The following PTPRN2 variants were observed in gnomAD, a reference collection of about 807,000 sequenced individuals.
PTPRN2 encodes receptor-type tyrosine-protein phosphatase N2.
A neutral mutation model predicts 118.8 loss-of-function variants in PTPRN2; 74 were observed. The observed-to-expected ratio is 0.62, with a 90% CI of 0.52 to 0.76. PTPRN2 has a LOEUF of 0.76. Ranked by LOEUF, PTPRN2 falls within the 30% of genes least tolerant of loss-of-function variation. The pLI is 0.00. For synonymous variants in PTPRN2, 641 were observed against 608.0 expected, an observed-to-expected ratio of 1.05 and a Z score of -0.80; for missense variants, 1,481 against 1,394.4, an observed-to-expected ratio of 1.06 and a Z score of -0.99.
intron 6 of PTPRN2, among the ~76,000 whole-genome samples, chr7:158,150,719 T>G (rs565639478): frequency 6.6e-6 from 1 of 152,126 alleles, no homozygotes; most frequent in South Asian, 2.1e-4. Context: ...TGGGTGATCA[T>G]GGTGATCTGC....
intron 3 of PTPRN2, among the ~76,000 whole-genome samples, chr7:158,264,374 G>A (rs576762939): frequency 2.0e-5 from 3 of 152,266 alleles, no homozygotes; most frequent in Admixed American, 2.0e-4. Context: ...GCTTCCCAGG[G>A]CAGTTTGCTG....
At chr7:157,950,270 G>A (rs931684591) in intron 11 of PTPRN2, among the ~76,000 whole-genome samples, 2 of 152,146 alleles carry the variant, frequency 1.3e-5, no homozygotes, top group African/African-American at 4.8e-5. Context: ...CCTAGCAAAC[G>A]CCTGGTGGGA....
intron 1 of PTPRN2, among the ~76,000 whole-genome samples, chr7:158,581,904 G>T (rs1305662215): frequency 9.9e-5 from 15 of 152,202 alleles, no homozygotes; most frequent in African/African-American, 3.1e-4. Context: ...TACCAGCCTC[G>T]TGATGTAGAG....
intron 10 of PTPRN2, among the ~76,000 whole-genome samples, chr7:158,094,302 T>C (rs1814445345): frequency 6.7e-6 from 1 of 149,126 alleles, no homozygotes; most frequent in Admixed American, 6.6e-5. Flanking sequence ...TCTGTGTTTT[T>C]TCTGTTTTGT....
At chr7:158,532,393 A>T (rs1825314069) in intron 1 of PTPRN2, among the ~76,000 whole-genome samples, 1 of 152,190 alleles carries the variant, frequency 6.6e-6, no homozygotes, top group Non-Finnish European at 1.5e-5. Context: ...GAGAAGCCCC[A>T]GATGTCAAAC....
chr7:158,382,578 G>T (rs1811045705), intron 2 of PTPRN2, among the ~76,000 whole-genome samples: 1 of 152,202 alleles, frequency 6.6e-6, no homozygotes, highest in Non-Finnish European at 1.5e-5. Flanking sequence ...ACAGCAGGAG[G>T]TGAGCAGCAG....
rs1317549814 is a variant in PTPRN2, at chr7:158,507,407, CACAA to C, written c.113-17626_113-17623del. Among the ~76,000 whole-genome samples the C allele has an allele frequency of 9.3e-5, 14 of 151,312 alleles. No individual in the cohort carries two copies. The East Asian group carries it at 2.4e-3, about 26-fold the overall frequency. ...CAGCCCCGCACTAGGCAGGAAATTG[CACAA>C]ACAGAGGTCAGTGAGGACCATCCAG... On this transcript the variant is annotated intron_variant, in intron 1 of 22. Coordinates refer to ENST00000389418, the MANE Select transcript of PTPRN2 (RefSeq NM_002847.5).
chr7:158,072,781 G>C (rs1585347667), intron 11 of PTPRN2, among the ~76,000 whole-genome samples: 1 of 152,178 alleles, frequency 6.6e-6, no homozygotes, highest in Non-Finnish European at 1.5e-5. Flanking sequence ...AGCCCTGTAG[G>C]GTCCCCAAAG....
intron 1 of PTPRN2, among the ~76,000 whole-genome samples, chr7:158,548,769 C>T (rs1826452394): frequency 6.6e-6 from 1 of 152,220 alleles, no homozygotes; most frequent in African/African-American, 2.4e-5. Flanking sequence ...CCAGCGTGAA[C>T]CCAGGCGGCC....
intron 2 of PTPRN2, among the ~76,000 whole-genome samples, chr7:158,467,830 A>T (rs1272996233): frequency 6.6e-6 from 1 of 152,144 alleles, no homozygotes; most frequent in Non-Finnish European, 1.5e-5. Context: ...AACTTGGGTA[A>T]TTCTGCTGCC....
rs564531350 is a variant in PTPRN2, at chr7:157,610,255, G to A, written c.2345-6180C>T. ...TGGCAATGGGGTTCCCTCCTCCCAG[G>A]GGCCTCACGGAACTCGGCAATGGGG... is the stretch of plus-strand genomic sequence containing the variant. On this transcript the variant is annotated intron_variant, in intron 15 of 22. Coordinates refer to ENST00000389418, the MANE Select transcript of PTPRN2 (RefSeq NM_002847.5). This position sits in a 1 kb window ranked among gnomAD's most constrained non-coding sequence, Gnocchi z 5.1. 6.6e-6 allele frequency among the ~76,000 whole-genome samples: 1 copy of A among 152,258 alleles called. No homozygotes were observed. Among genetic ancestry groups the A allele is most frequent in the South Asian group, 2.1e-4 (1 of 4,822 alleles).
chr7:158,243,007 T>C (rs1448532130), intron 3 of PTPRN2, among the ~76,000 whole-genome samples: 1 of 152,250 alleles, frequency 6.6e-6, no homozygotes, highest in Non-Finnish European at 1.5e-5. Context: ...TTCTAGGCTA[T>C]TTGACTTGTT....
chr7:158,316,803 C>A lies in PTPRN2; in HGVS notation c.277+16G>T. ...CAGTGCGGCAGCCGCCGAGCCTCGG[C>A]CCACGCCCGCCCTACCTGTGCCGGA... On this transcript the variant is annotated intron_variant, in intron 3 of 22. Coordinates refer to ENST00000389418, the MANE Select transcript of PTPRN2 (RefSeq NM_002847.5). The A allele has an allele frequency of 6.3e-7, 1 of 1,578,346 alleles. No individual in the cohort carries two copies.
Position 158,534,375 on chromosome 7 carries a change from T to C in PTPRN2, c.113-44590A>G, listed in dbSNP as rs375747506. On this transcript the variant is annotated intron_variant, in intron 1 of 22. Coordinates refer to ENST00000389418, the MANE Select transcript of PTPRN2 (RefSeq NM_002847.5). ...GTGGCCACCCACGCCCTGGGCTCCG[T>C]CAGGGATGGCTGTGGGTGCAGGTTG... Among the ~76,000 whole-genome samples, 5 of 150,408 alleles carry C rather than the reference T, an allele frequency of 3.3e-5. No individual in the cohort carries two copies. The East Asian group carries it at 5.9e-4, about 18-fold the overall frequency.
intron 3 of PTPRN2, among the ~76,000 whole-genome samples, chr7:158,223,206 T>C (rs1277421546): frequency 1.3e-5 from 2 of 152,060 alleles, no homozygotes; most frequent in Non-Finnish European, 1.5e-5. Flanking sequence ...AAAGAAATAA[T>C]CAGGCCCAGA....
chr7:157,909,914 A>G (rs994003374), intron 11 of PTPRN2, among the ~76,000 whole-genome samples: 1 of 152,266 alleles, frequency 6.6e-6, no homozygotes, highest in African/African-American at 2.4e-5. Flanking sequence ...TATAGGAAGC[A>G]TGAGCAAATT....
rs1801780193 is a variant in PTPRN2, at chr7:157,603,123, G to A, written c.2418+879C>T. Reference sequence around the variant, plus strand: ...CATCCGCCAGGTCTCCAAAGCCCCGGCCCTGGACAGTGTCCCATCCCGCCC... The same window carrying A: ...CATCCGCCAGGTCTCCAAAGCCCCGACCCTGGACAGTGTCCCATCCCGCCC... On this transcript the variant is annotated intron_variant, in intron 16 of 22. Transcript: ENST00000389418. This position sits in a 1 kb window ranked among gnomAD's most constrained non-coding sequence, Gnocchi z 5.4. Among the ~76,000 whole-genome samples the A allele has an allele frequency of 6.6e-6, 1 of 152,054 alleles. No individual in the cohort carries two copies. Among genetic ancestry groups the A allele is most frequent in the African/African-American group, 2.4e-5 (1 of 41,422 alleles).
At chr7:157,882,172 G>A (rs1796170861) in intron 12 of PTPRN2, among the ~76,000 whole-genome samples, 1 of 149,732 alleles carries the variant, frequency 6.7e-6, no homozygotes, top group African/African-American at 2.5e-5. Flanking sequence ...AAAAATGACT[G>A]TCAAAGGCTA....
At chr7:157,756,350 A>G (rs1801779214) in intron 12 of PTPRN2, among the ~76,000 whole-genome samples, 2 of 151,448 alleles carry the variant, frequency 1.3e-5, no homozygotes, top group South Asian at 4.2e-4. Flanking sequence ...GCTGGAGTGC[A>G]GTGGCGCGAT....
Sources: allele counts gnomAD v4.1 joint callset (sites outside exome capture counted in the v4.1 genomes callset), GRCh38; gene constraint gnomAD v4.1.1; non-coding constraint Gnocchi (gnomAD v3.1); transcripts MANE v1.5; gene names NCBI Gene and HGNC (gene_info 2026-07-23, HGNC 2026-07-21).